The following PRDM5 variants were observed in gnomAD, a reference collection of about 807,000 sequenced individuals.
The protein encoded by PRDM5 is PR domain zinc finger protein 5.
Under a neutral mutation model 81.2 loss-of-function variants are expected in PRDM5, and 56 were observed. That is an observed-to-expected ratio of 0.69 (90% CI 0.56 to 0.86). The LOEUF is 0.86. Ranked by LOEUF, PRDM5 falls within the 40% of genes least tolerant of loss-of-function variation. PRDM5 has a pLI of 0.00. For synonymous variants in PRDM5, 267 were observed against 256.4 expected, an observed-to-expected ratio of 1.04 and a Z score of -0.39; for missense variants, 697 against 770.1, an observed-to-expected ratio of 0.91 and a Z score of 1.12.
rs3789140 is a variant in PRDM5, at chr4:120,798,604, T to C, written c.1031-180A>G. Reference sequence around the variant, plus strand: ...AATGTGTCTACTCCTAAATGAAATATGAGCTTGTTCTCTTACAGACGTATT... The same window carrying C: ...AATGTGTCTACTCCTAAATGAAATACGAGCTTGTTCTCTTACAGACGTATT... On this transcript the variant is annotated intron_variant, in intron 9 of 15. Coordinates refer to ENST00000264808, the MANE Select transcript of PRDM5 (RefSeq NM_018699.4). Among the ~76,000 whole-genome samples, 59,579 of 152,060 alleles carry C rather than the reference T, an allele frequency of 0.39. 11,873 individuals are homozygous for C. Among genetic ancestry groups the C allele is most frequent in the East Asian group, 0.5 (2,583 of 5,172 alleles).
intron 10 of PRDM5, among the ~76,000 whole-genome samples, chr4:120,791,468 A>T (rs1433236542): frequency 6.6e-6 from 1 of 152,212 alleles, no homozygotes; most frequent in Non-Finnish European, 1.5e-5. Flanking sequence ...CCTCTTACAC[A>T]AAAACATTAG....
At chr4:120,917,397 G>C (rs1013197387) in intron 1 of PRDM5, among the ~76,000 whole-genome samples, 3 of 151,876 alleles carry the variant, frequency 2.0e-5, no homozygotes, top group Non-Finnish European at 4.4e-5. Context: ...CACCTTTTCT[G>C]CCAAGTCAAC....
intron 14 of PRDM5, among the ~76,000 whole-genome samples, chr4:120,714,714 G>A (rs1737499741): frequency 6.6e-6 from 1 of 152,220 alleles, no homozygotes; most frequent in South Asian, 2.1e-4. Context: ...AAATAGTGAG[G>A]ACACGTTTGG....
intron 2 of PRDM5, among the ~76,000 whole-genome samples, chr4:120,860,331 T>C (rs1001486941): frequency 6.6e-6 from 1 of 152,204 alleles, no homozygotes; most frequent in African/African-American, 2.4e-5. Flanking sequence ...ACACTTAATG[T>C]AAAATATTTT....
chr4:120,751,154 G>A (rs969379993), intron 14 of PRDM5, among the ~76,000 whole-genome samples: 7 of 151,812 alleles, frequency 4.6e-5, no homozygotes, highest in Admixed American at 2.0e-4. Flanking sequence ...AGCAATCCTC[G>A]CACCTCAGCC....
chr4:120,831,647 C>A (rs181475402), intron 3 of PRDM5, among the ~76,000 whole-genome samples: 2 of 151,980 alleles, frequency 1.3e-5, no homozygotes, highest in African/African-American at 4.8e-5. Context: ...TCTAGAAGGA[C>A]TCTGAACTTA....
At chr4:120,748,187 C>G (rs1386883729) in intron 14 of PRDM5, among the ~76,000 whole-genome samples, 1 of 152,172 alleles carries the variant, frequency 6.6e-6, no homozygotes, top group Non-Finnish European at 1.5e-5. Flanking sequence ...CATTTCTCTA[C>G]CTCAGTGTAG....
At chr4:120,837,388 T>G (rs1757484120) in intron 3 of PRDM5, 1 of 152,242 alleles carries the variant, frequency 6.6e-6, no homozygotes, top group Non-Finnish European at 1.5e-5. Flanking sequence ...ATCATAGAGT[T>G]TCCCTATGGG....
Position 120,847,262 on chromosome 4 carries a change from G to A in PRDM5, c.300+6156C>T, listed in dbSNP as rs117209849. 3.1e-4 allele frequency among the ~76,000 whole-genome samples: 47 copies of A among 152,224 alleles called. No individual in the cohort carries two copies. In the East Asian group the frequency reaches 5.8e-3, roughly 19 times the overall value. ...AATAGTATTCAACAGAAGTGATGCT[G>A]TGGAACGTTATTTCCAAGATTAGGT... On this transcript the variant is annotated intron_variant, in intron 3 of 15. Coordinates refer to ENST00000264808, the MANE Select transcript of PRDM5 (RefSeq NM_018699.4).
At chr4:120,758,051 T>C (rs1184840049) in intron 13 of PRDM5, among the ~76,000 whole-genome samples, 2 of 152,110 alleles carry the variant, frequency 1.3e-5, no homozygotes, top group East Asian at 3.9e-4. Flanking sequence ...TTTCAGGCCT[T>C]TGCTCTTGGA....
At chr4:120,730,200 A>G (rs1405024281) in intron 14 of PRDM5, among the ~76,000 whole-genome samples, 1 of 152,134 alleles carries the variant, frequency 6.6e-6, no homozygotes, top group Non-Finnish European at 1.5e-5. Context: ...TCTAAGCCTC[A>G]CTTCCCTCTT....
At chr4:120,839,138 G>C (rs2149387524) in intron 3 of PRDM5, 1 of 676,958 alleles carries the variant, frequency 1.5e-6, no homozygotes, top group African/African-American at 1.8e-5. Context: ...GGAGCTCCCA[G>C]GTCTGGGATC....
At chr4:120,868,117 T>C (rs1424663456) in intron 2 of PRDM5, among the ~76,000 whole-genome samples, 4 of 152,222 alleles carry the variant, frequency 2.6e-5, no homozygotes, top group Admixed American at 6.5e-5. Context: ...ATACTTTCCT[T>C]TAATGGGTCT....
chr4:120,818,638 T>C (rs1188003589), intron 4 of PRDM5, 111 bp from the exon 5 acceptor site: 2 of 923,150 alleles, frequency 2.2e-6, no homozygotes, highest in African/African-American at 3.3e-5. Flanking sequence ...TGATACCATA[T>C]GAATAAATTC....
At chr4:120,922,479 G>C (rs770917960) in intron 1 of PRDM5, 37 bp downstream of exon 1, 3 of 1,498,226 alleles carry the variant, frequency 2.0e-6, no homozygotes, top group Non-Finnish European at 2.7e-6. Flanking sequence ...GGGCGCGCGA[G>C]GTGCAGGGGC....
At position 120,734,131 on chromosome 4, in the gene PRDM5, G is replaced by A. The variant is rs182407476; in HGVS notation, c.1623+20422C>T. On this transcript the variant is annotated intron_variant, in intron 14 of 15. Transcript: ENST00000264808. ...AGAGTGTCCAGGAGGAAGGGGGCAC[G>A]GGCGGGGCAGACGGCAGGCAGCACA... 5.0e-4 allele frequency among the ~76,000 whole-genome samples: 76 copies of A among 152,200 alleles called. 2 individuals carry two copies. The East Asian group carries it at 0.014, about 28-fold the overall frequency.
At chr4:120,922,410 G>A in intron 1 of PRDM5, 106 bp downstream of exon 1, 2 of 1,173,770 alleles carry the variant, frequency 1.7e-6, no homozygotes, top group South Asian at 4.2e-5. Flanking sequence ...GGCGAGGGGC[G>A]ACCGGGGTGA....
At chr4:120,746,718 T>C (rs1743128383) in intron 14 of PRDM5, among the ~76,000 whole-genome samples, 2 of 147,128 alleles carry the variant, frequency 1.4e-5, no homozygotes, top group African/African-American at 2.5e-5. Context: ...GAAATGCAAA[T>C]CAAAACCACA....
chr4:120,841,422 C>T (rs1758019504), intron 3 of PRDM5, among the ~76,000 whole-genome samples: 1 of 152,172 alleles, frequency 6.6e-6, no homozygotes, highest in Non-Finnish European at 1.5e-5. Flanking sequence ...ATAGAAATTT[C>T]CCTAGACTAC....
Sources: allele counts gnomAD v4.1 joint callset (sites outside exome capture counted in the v4.1 genomes callset), GRCh38; gene constraint gnomAD v4.1.1; transcripts MANE v1.5; gene names NCBI Gene and HGNC (gene_info 2026-07-23, HGNC 2026-07-21).